LDAH: variants seen among roughly 807,000 people sequenced by gnomAD.
LDAH encodes lipid droplet-associated hydrolase.
Under a neutral mutation model 29.6 loss-of-function variants are expected in LDAH, and 26 were observed. The ratio of observed to expected loss-of-function variants is 0.88; its 90% CI spans 0.64 to 1.22. LDAH has a LOEUF of 1.22. Among genes scored for constraint, LDAH ranks in the 50% most tolerant of loss-of-function variants. The probability of loss-of-function intolerance (pLI) is 0.00; values close to 1 mark genes in which losing one functional copy is unlikely to be tolerated. For synonymous variants in LDAH, 117 were observed against 133.0 expected (o/e 0.88, Z 0.83); for missense variants, 344 against 387.3 (o/e 0.89, Z 0.94).
rs566683112 is a variant in LDAH, at chr2:20,704,239, A to G, written c.704-2587T>C. On this transcript the variant is annotated intron_variant, in intron 5 of 6. Coordinates refer to ENST00000237822, the MANE Select transcript of LDAH (RefSeq NM_021925.4). The stretch of plus-strand genomic sequence containing the variant: ...CTTGTCTGTCTGTGATATTAGCATG[A>G]GTACATATAGGAGTAAATATTCTGC... Among the ~76,000 whole-genome samples, 23 of 152,350 alleles carry G rather than the reference A, an allele frequency of 1.5e-4. No homozygotes were observed. The East Asian group carries it at 1.5e-3, about 10-fold the overall frequency.
intron 3 of LDAH, chr2:20,789,272 T>C (rs1387509307): frequency 1.0e-5 from 16 of 1,550,292 alleles, no homozygotes; most frequent in Non-Finnish European, 1.1e-5. Flanking sequence ...GTCATGAGGG[T>C]AGAGCCCGCG....
At chr2:20,761,298 T>A (rs1286073382) in intron 4 of LDAH, among the ~76,000 whole-genome samples, 1 of 151,482 alleles carries the variant, frequency 6.6e-6, no homozygotes, top group African/African-American at 2.4e-5. Flanking sequence ...AAAAAAAAAA[T>A]GGATGTCTTC....
At chr2:20,716,277 C>T (rs1199639207) in intron 5 of LDAH, among the ~76,000 whole-genome samples, 7 of 152,048 alleles carry the variant, frequency 4.6e-5, no homozygotes. Context: ...CACATGCACA[C>T]GTATATTTAT....
At chr2:20,770,041 T>C (rs1022300533) in intron 4 of LDAH, among the ~76,000 whole-genome samples, 10 of 152,356 alleles carry the variant, frequency 6.6e-5, no homozygotes, top group African/African-American at 2.4e-4. Flanking sequence ...CACATTCCTT[T>C]TGATTACATT....
chr2:20,696,436 AG>A (rs1161535254), intron 6 of LDAH, among the ~76,000 whole-genome samples: 4 of 152,206 alleles, frequency 2.6e-5, no homozygotes, highest in Admixed American at 2.0e-4. Context: ...CCTTACAGGC[AG>A]CCCCCCTACC....
chr2:20,769,272 G>A (rs1439348302), intron 4 of LDAH, among the ~76,000 whole-genome samples: 1 of 152,162 alleles, frequency 6.6e-6, no homozygotes, highest in Non-Finnish European at 1.5e-5. Context: ...CCAGGTAGAA[G>A]ACAACCCTCT....
intron 4 of LDAH, among the ~76,000 whole-genome samples, chr2:20,762,101 T>C (rs1668728949): frequency 6.6e-6 from 1 of 152,122 alleles, no homozygotes; most frequent in African/African-American, 2.4e-5. Flanking sequence ...AATTAACTTT[T>C]ATGTATTATA....
intron 3 of LDAH, among the ~76,000 whole-genome samples, chr2:20,786,176 T>A (rs1203611655): frequency 6.6e-6 from 1 of 152,124 alleles, no homozygotes; most frequent in Non-Finnish European, 1.5e-5. Context: ...CACTAGAAGC[T>A]GGGCTATGCT....
At chr2:20,799,774 T>C (rs1326860377) in intron 2 of LDAH, among the ~76,000 whole-genome samples, 2 of 152,082 alleles carry the variant, frequency 1.3e-5, no homozygotes, top group African/African-American at 4.8e-5. Flanking sequence ...TTAAGCTTTT[T>C]TTTTCCTCCT....
intron 2 of LDAH, among the ~76,000 whole-genome samples, chr2:20,797,112 T>C (rs1298993853): frequency 6.6e-6 from 1 of 152,224 alleles, no homozygotes. Flanking sequence ...ACTGGAAAAG[T>C]ACATGTATTT....
intron 4 of LDAH, among the ~76,000 whole-genome samples, chr2:20,760,225 A>C (rs1188218040): frequency 1.3e-5 from 2 of 152,188 alleles, no homozygotes; most frequent in Non-Finnish European, 2.9e-5. Flanking sequence ...GAAAAGTGAC[A>C]GGGGAAAAGG....
At chr2:20,683,456 T>C (rs10170771), downstream of LDAH, among the ~76,000 whole-genome samples, 31,631 of 152,238 alleles carry the variant, frequency 0.21, 4,233 homozygotes, top group East Asian at 0.46. Flanking sequence ...AATATATCCT[T>C]GCCTCTTCTC....
At chr2:20,779,099 A>G (rs1026808213) in intron 3 of LDAH, among the ~76,000 whole-genome samples, 14 of 152,154 alleles carry the variant, frequency 9.2e-5, no homozygotes, top group Admixed American at 5.2e-4. Flanking sequence ...TACATCTCAC[A>G]CCAGAATTTG....
intron 6 of LDAH, among the ~76,000 whole-genome samples, chr2:20,693,302 G>A (rs1663173230): frequency 6.6e-6 from 1 of 152,156 alleles, no homozygotes; most frequent in African/African-American, 2.4e-5. Flanking sequence ...CCTGCTCAAG[G>A]AAAAAGAATC....
chr2:20,775,338 C>T (rs1669736858), intron 3 of LDAH, among the ~76,000 whole-genome samples: 1 of 152,146 alleles, frequency 6.6e-6, no homozygotes, highest in Non-Finnish European at 1.5e-5. Flanking sequence ...GCCAGTGGTT[C>T]TCAAACTTGA....
chr2:20,802,709 T>G (rs180946562), intron 1 of LDAH, among the ~76,000 whole-genome samples: 2 of 152,336 alleles, frequency 1.3e-5, no homozygotes, highest in African/African-American at 4.8e-5. Context: ...ATTTCCCTAG[T>G]GCCCCTACGC....
chr2:20,791,834 C>T (rs1670977823), intron 2 of LDAH, among the ~76,000 whole-genome samples: 4 of 152,120 alleles, frequency 2.6e-5, no homozygotes, highest in Admixed American at 2.6e-4. Flanking sequence ...TGTTCCAAGA[C>T]CATTTATTAT....
intron 5 of LDAH, among the ~76,000 whole-genome samples, chr2:20,728,056 GA>G (rs1666136334): frequency 6.6e-6 from 1 of 152,228 alleles, no homozygotes; most frequent in African/African-American, 2.4e-5. Context: ...TTGGTTCCTA[GA>G]ATTTTTCAGA....
chr2:20,747,266 C>G (rs1260169731), intron 4 of LDAH, among the ~76,000 whole-genome samples: 2 of 152,086 alleles, frequency 1.3e-5, no homozygotes, highest in East Asian at 3.9e-4. Context: ...CTAAGTGAAG[C>G]TGCGACAAAT....
Sources: gnomAD v4.1 joint callset for allele counts (sites outside exome capture counted in the v4.1 genomes callset) on GRCh38, gnomAD v4.1.1 for gene constraint, MANE v1.5 for transcripts, NCBI Gene and HGNC (gene_info 2026-07-23, HGNC 2026-07-21) for gene names.